The following CACNA1A variants were observed in gnomAD, a reference collection of about 807,000 sequenced individuals.
CACNA1A encodes calcium voltage-gated channel subunit alpha1 A, also known as voltage-dependent P/Q-type calcium channel subunit alpha-1A.
Under a neutral mutation model 262.4 loss-of-function variants are expected in CACNA1A, and 57 were observed. The observed-to-expected ratio is 0.22, with a 90% CI of 0.18 to 0.27. The LOEUF is 0.27. Ranked by LOEUF, CACNA1A falls within the 10% of genes least tolerant of loss-of-function variation. The pLI, the probability that CACNA1A is intolerant of heterozygous loss-of-function variation, is 1.00. For missense variants in CACNA1A, 2,526 were observed against 3,562.8 expected (o/e 0.71, Z 7.41); for synonymous variants, 1,431 against 1,419.3 (o/e 1.01, Z -0.18).
At chr19:13,427,672 T>C (rs1413029528) in intron 3 of CACNA1A, among the ~76,000 whole-genome samples, 1 of 152,000 alleles carries the variant, frequency 6.6e-6, no homozygotes, top group Admixed American at 6.6e-5. Flanking sequence ...TAGGATTCTT[T>C]CCAAAGATCC....
At chr19:13,365,644 C>G in intron 4 of CACNA1A, 175 bp from the exon 5 acceptor site, 1 of 541,836 alleles carries the variant, frequency 1.8e-6, no homozygotes, top group Non-Finnish European at 3.3e-6. Flanking sequence ...GAGGCTGATC[C>G]TTATCATGGG....
intron 30 of CACNA1A, among the ~76,000 whole-genome samples, chr19:13,249,556 T>C (rs2056340587): frequency 6.6e-6 from 1 of 152,074 alleles, no homozygotes; most frequent in Non-Finnish European, 1.5e-5. Context: ...AATCTCACTA[T>C]GTTGTCCAGG....
intron 3 of CACNA1A, among the ~76,000 whole-genome samples, chr19:13,439,219 C>G (rs2060668073): frequency 6.6e-6 from 1 of 150,992 alleles, no homozygotes; most frequent in Non-Finnish European, 1.5e-5. Flanking sequence ...CGCCATTCTC[C>G]TTCCTCAGCC....
intron 1 of CACNA1A, among the ~76,000 whole-genome samples, chr19:13,465,383 T>C (rs1252790808): frequency 6.6e-6 from 1 of 152,196 alleles, no homozygotes; most frequent in African/African-American, 2.4e-5. Context: ...AAAATAAATG[T>C]TGCCAAAAAA....
chr19:13,208,171 AG>A (rs1262925914), intron 46 of CACNA1A, 118 bp from the exon 47 acceptor site: 1 of 23,252 alleles, frequency 4.3e-5, no homozygotes, highest in Non-Finnish European at 7.1e-5. Flanking sequence ...GAGAGGGAGG[AG>A]GGGGAGGGGG....
chr19:13,338,144 G>A (rs1428794284), intron 6 of CACNA1A, among the ~76,000 whole-genome samples: 2 of 152,182 alleles, frequency 1.3e-5, no homozygotes, highest in African/African-American at 2.4e-5. Context: ...GAACCCAGAA[G>A]GCGGAGCTTG....
intron 35 of CACNA1A, among the ~76,000 whole-genome samples, chr19:13,230,916 C>G (rs1228779801): frequency 6.6e-6 from 1 of 151,934 alleles, no homozygotes; most frequent in Non-Finnish European, 1.5e-5. Flanking sequence ...ACCAAGAGAA[C>G]CACTGTGACC....
At chr19:13,413,862 C>T (rs930675182) in intron 3 of CACNA1A, among the ~76,000 whole-genome samples, 2 of 112,298 alleles carry the variant, frequency 1.8e-5, no homozygotes, top group African/African-American at 9.8e-5. Flanking sequence ...GTCTGGGTGA[C>T]AGAGCCAGAC....
chr19:13,323,158 C>T (rs1313359473), intron 10 of CACNA1A, among the ~76,000 whole-genome samples: 5 of 152,054 alleles, frequency 3.3e-5, no homozygotes, highest in Non-Finnish European at 7.4e-5. Context: ...ACTCGGGAGG[C>T]TGAGGCAGGA....
chr19:13,208,059 C>T lies in CACNA1A; in HGVS notation c.6781-6G>A, dbSNP rs757167417. The T allele has an allele frequency of 5.5e-6, 7 of 1,264,210 alleles. No individual in the cohort carries two copies. The highest frequency in any genetic ancestry group is 4.2e-5 in the Admixed American group (1 of 23,620). The allele number at this position is 1,264,210 out of a possible 1,614,324, so 78.3% of individuals were successfully genotyped here. ...CCACTTACGGAACTACTGCCCTACA[C>T]GAAAATTGAAACAAAGGAAATCAAA... On this transcript the variant is annotated splice_polypyrimidine_tract_variant and splice_region_variant and intron_variant, in intron 46 of 46. Transcript: ENST00000360228.
At chr19:13,326,103 G>A (rs140054018) in intron 10 of CACNA1A, among the ~76,000 whole-genome samples, 11,757 of 151,958 alleles carry the variant, frequency 0.077, 622 homozygotes, top group African/African-American at 0.14. Context: ...ATCACTTGAG[G>A]TCAGGAGTTT....
intron 6 of CACNA1A, among the ~76,000 whole-genome samples, chr19:13,336,605 GAGAGAGAGAGAGAGAGAGAGAGA>G (rs2058577789): frequency 7.6e-6 from 1 of 131,526 alleles, no homozygotes; most frequent in Non-Finnish European, 1.6e-5. Context: ...GAGAGAGAGA[GAGAGAGAGAGAGAGAGAGAGAGA>G]GAGAGAGAGA....
chr19:13,339,377 G>A (rs1433842871), intron 6 of CACNA1A, among the ~76,000 whole-genome samples: 1 of 152,076 alleles, frequency 6.6e-6, no homozygotes, highest in Non-Finnish European at 1.5e-5. Context: ...CTGGGGGAGG[G>A]GGAACAGGGA....
chr19:13,280,000 G>C (rs1470351893), intron 22 of CACNA1A, among the ~76,000 whole-genome samples: 5 of 151,406 alleles, frequency 3.3e-5, no homozygotes, highest in African/African-American at 1.2e-4. Context: ...GTAGAGACGG[G>C]GTTTCACCAT....
At chr19:13,252,669 C>T (rs1232139745) in intron 30 of CACNA1A, 1 of 168,488 alleles carries the variant, frequency 5.9e-6, no homozygotes, top group Non-Finnish European at 1.3e-5. Flanking sequence ...GAATTACAGC[C>T]ATGAGACACC....
At chr19:13,223,292 C>T (rs2055305189) in intron 38 of CACNA1A, among the ~76,000 whole-genome samples, 1 of 152,166 alleles carries the variant, frequency 6.6e-6, no homozygotes. Flanking sequence ...CTCCCAGGTT[C>T]AAGCGATTCT....
At chr19:13,259,829 T>TCTA in intron 26 of CACNA1A, 128 bp from the exon 27 acceptor site, 12 of 905,602 alleles carry the variant, frequency 1.3e-5, no homozygotes, top group Non-Finnish European at 1.9e-5. Flanking sequence ...TGGGAAGCAG[T>TCTA]GACTCCCCAT....
Position 13,208,868 on chromosome 19 carries a change from G to T in CACNA1A, c.6668C>A (p.Pro2223His). 1 of 1,536,150 alleles carries T rather than the reference G, an allele frequency of 6.5e-7. No individual in the cohort carries two copies. The highest frequency in any genetic ancestry group is 8.7e-7 in the Non-Finnish European group (1 of 1,146,978). Residue 2223 changes from proline (P) to histidine (H), a missense_variant, in exon 46 of 47, where the codon CCC becomes CAC. By Grantham distance (77) the Pro-to-His change is moderately conservative. Coordinates refer to ENST00000360228, the MANE Select transcript of CACNA1A (RefSeq NM_001127222.2). The part of the protein sequence containing the change: ...HHHHHHHPPP[P>H]DKDRYAQERP... Reference sequence around the variant, plus strand: ...TTCCTGGGCATAGCGGTCCTTGTCGGGGGGCGGGGGATGGTGGTGGTGGTG... The same window carrying T: ...TTCCTGGGCATAGCGGTCCTTGTCGTGGGGCGGGGGATGGTGGTGGTGGTG...
At chr19:13,251,016 C>G (rs531429540) in intron 30 of CACNA1A, among the ~76,000 whole-genome samples, 1 of 151,124 alleles carries the variant, frequency 6.6e-6, no homozygotes, top group Non-Finnish European at 1.5e-5. Flanking sequence ...TCTGTAGTCC[C>G]AGCTACTCAG....
Sources: gnomAD v4.1 joint callset for allele counts (sites outside exome capture counted in the v4.1 genomes callset) on GRCh38, gnomAD v4.1.1 for gene constraint, MANE v1.5 for transcripts, NCBI Gene and HGNC (gene_info 2026-07-23, HGNC 2026-07-21) for gene names.